BCKDHB: variants seen among roughly 807,000 people sequenced by gnomAD.
The protein encoded by BCKDHB is branched chain keto acid dehydrogenase E1 subunit beta, also known as 2-oxoisovalerate dehydrogenase subunit beta, mitochondrial.
Under a neutral mutation model 48.5 loss-of-function variants are expected in BCKDHB, and 41 were observed. The observed-to-expected ratio is 0.85, with a 90% CI of 0.66 to 1.10. The LOEUF (loss-of-function observed/expected upper bound fraction) is 1.10, where lower values mean the gene tolerates loss of function less well. Ranked by LOEUF, BCKDHB falls within the 50% of genes least tolerant of loss-of-function variation. The pLI is 0.00. For missense variants in BCKDHB, 496 were observed against 494.2 expected (o/e 1.00, Z -0.03); for synonymous variants, 201 against 174.8 (o/e 1.15, Z -1.18).
chr6:80,154,949 A>G (rs1674328023), intron 3 of BCKDHB, among the ~76,000 whole-genome samples: 1 of 152,150 alleles, frequency 6.6e-6, no homozygotes, highest in South Asian at 2.1e-4. Flanking sequence ...ACAAGTTTGG[A>G]GATTTTACAC....
chr6:80,313,805 G>T (rs1317713150), intron 9 of BCKDHB, among the ~76,000 whole-genome samples: 1 of 152,040 alleles, frequency 6.6e-6, no homozygotes, highest in Non-Finnish European at 1.5e-5. Context: ...CTAGCTTTGG[G>T]GTTTGTTTTC....
the BCKDHB span, among the ~76,000 whole-genome samples, chr6:80,354,385 G>A: frequency 6.6e-6 from 1 of 151,980 alleles, no homozygotes; most frequent in African/African-American, 2.4e-5. Flanking sequence ...ATGCCATCAT[G>A]CCCAGCTAAT....
chr6:80,415,407 T>C, the BCKDHB span, among the ~76,000 whole-genome samples: 1 of 152,090 alleles, frequency 6.6e-6, no homozygotes, highest in African/African-American at 2.4e-5. Flanking sequence ...TTGGCTGTGG[T>C]TTTGTCATAG....
the BCKDHB span, among the ~76,000 whole-genome samples, chr6:80,410,742 G>A: frequency 7.2e-5 from 11 of 151,974 alleles, no homozygotes; most frequent in Admixed American, 2.0e-4. Flanking sequence ...ATCAGCTATC[G>A]AAGCTTGTGC....
At chr6:80,396,507 G>T in the BCKDHB span, among the ~76,000 whole-genome samples, 1 of 152,124 alleles carries the variant, frequency 6.6e-6, no homozygotes, top group Non-Finnish European at 1.5e-5. Context: ...ATTGTGTTTT[G>T]AAATGTGAGA....
chr6:80,252,098 C>A lies in BCKDHB; in HGVS notation c.952-21037C>A, dbSNP rs530040952. 1.9e-4 allele frequency among the ~76,000 whole-genome samples: 29 copies of A among 152,266 alleles called. 1 individual carries two copies. The highest frequency in any genetic ancestry group is 5.5e-4 in the African/African-American group (23 of 41,554). ...ACTACTTGGTTGGGTGTTATTACTT[C>A]ATCATTTTTATAGGCGAAGAAGCTG... On this transcript the variant is annotated intron_variant, in intron 8 of 9. Transcript: ENST00000320393.
chr6:80,455,592 C>T, the BCKDHB span, among the ~76,000 whole-genome samples: 1 of 150,882 alleles, frequency 6.6e-6, no homozygotes, highest in African/African-American at 2.4e-5. Flanking sequence ...ACTGTTATTT[C>T]AGTACCCGTC....
chr6:80,271,115 C>T (rs575970396), intron 8 of BCKDHB, among the ~76,000 whole-genome samples: 2 of 152,214 alleles, frequency 1.3e-5, no homozygotes, highest in South Asian at 4.1e-4. Flanking sequence ...ACTGTTTATA[C>T]ATGTTGGCTC....
the BCKDHB span, among the ~76,000 whole-genome samples, chr6:80,378,829 C>T: frequency 6.6e-6 from 1 of 152,034 alleles, no homozygotes; most frequent in South Asian, 2.1e-4. Context: ...TAATAGCCAC[C>T]CTGACTGATA....
rs182959872 is a variant in BCKDHB at position 80,166,820 on chromosome 6, T to C, written c.344-858T>C. Among the ~76,000 whole-genome samples, 153 of 152,348 alleles carry C rather than the reference T, an allele frequency of 1.0e-3. 1 individual carries two copies. The highest frequency in any genetic ancestry group is 3.4e-3 in the African/African-American group (143 of 41,590). Reference sequence around the variant, plus strand: ...ATGGTCAATTGATGTCAGTGTTTTCTGTTTAATTGAAAAGGATTTGTATTC... The same window carrying C: ...ATGGTCAATTGATGTCAGTGTTTTCCGTTTAATTGAAAAGGATTTGTATTC... On this transcript the variant is annotated intron_variant, in intron 3 of 9. Transcript: ENST00000320393.
intron 9 of BCKDHB, among the ~76,000 whole-genome samples, chr6:80,327,920 C>T (rs1452530777): frequency 5.6e-5 from 8 of 143,618 alleles, no homozygotes; most frequent in Non-Finnish European, 9.1e-5. Flanking sequence ...TCCCTTCTCC[C>T]CTCCCCTCCC....
the BCKDHB span, among the ~76,000 whole-genome samples, chr6:80,449,932 A>G: frequency 1.1e-4 from 17 of 152,224 alleles, no homozygotes; most frequent in African/African-American, 4.1e-4. Context: ...TTGCTGCCAG[A>G]GCAATCTCAA....
the BCKDHB span, among the ~76,000 whole-genome samples, chr6:80,458,430 T>A: frequency 6.6e-6 from 1 of 152,310 alleles, no homozygotes; most frequent in Admixed American, 6.5e-5. Flanking sequence ...TATTGTTTAG[T>A]GGATGGAAGA....
chr6:80,299,140 G>T (rs1767417915), intron 9 of BCKDHB, among the ~76,000 whole-genome samples: 1 of 152,098 alleles, frequency 6.6e-6, no homozygotes, highest in South Asian at 2.1e-4. Context: ...AACCAAGTTT[G>T]CTCAAGCATC....
At chr6:80,397,243 AG>A in the BCKDHB span, among the ~76,000 whole-genome samples, 1 of 152,244 alleles carries the variant, frequency 6.6e-6, no homozygotes, top group South Asian at 2.1e-4. Flanking sequence ...TAACTTTTTA[AG>A]GGTATTTGGA....
chr6:80,181,932 C>T (rs1412968846), intron 6 of BCKDHB, among the ~76,000 whole-genome samples: 1 of 152,152 alleles, frequency 6.6e-6, no homozygotes, highest in African/African-American at 2.4e-5. Context: ...ATAAAAGGAA[C>T]TCATAAGTCC....
the BCKDHB span, among the ~76,000 whole-genome samples, chr6:80,420,957 A>T: frequency 2.0e-5 from 3 of 152,026 alleles, no homozygotes; most frequent in East Asian, 5.8e-4. Flanking sequence ...TGTTCTTCTC[A>T]CCTCTTTCAA....
At chr6:80,321,019 C>G (rs1768686974) in intron 9 of BCKDHB, among the ~76,000 whole-genome samples, 1 of 152,010 alleles carries the variant, frequency 6.6e-6, no homozygotes, top group Non-Finnish European at 1.5e-5. Flanking sequence ...TAAAAAATAC[C>G]AAGAACACCC....
intron 3 of BCKDHB, among the ~76,000 whole-genome samples, chr6:80,163,771 T>G (rs1772437708): frequency 6.6e-6 from 1 of 152,166 alleles, no homozygotes; most frequent in Non-Finnish European, 1.5e-5. Context: ...CCAACATGCT[T>G]CTTCACAGTT....
Sources: gnomAD v4.1 joint callset for allele counts (sites outside exome capture counted in the v4.1 genomes callset) on GRCh38, gnomAD v4.1.1 for gene constraint, MANE v1.5 for transcripts, NCBI Gene and HGNC (gene_info 2026-07-23, HGNC 2026-07-21) for gene names.